The following BRAP variants were observed in gnomAD, a reference collection of about 807,000 sequenced individuals.
The protein encoded by BRAP is BRCA1-associated protein.
A neutral mutation model predicts 73.4 loss-of-function variants in BRAP; 42 were observed. The observed-to-expected ratio is 0.57, with a 90% confidence interval of 0.45 to 0.74. The LOEUF is 0.74. Ranked by LOEUF, BRAP falls within the 30% of genes least tolerant of loss-of-function variation. The pLI, the probability that BRAP is intolerant of heterozygous loss-of-function variation, is 0.00. For synonymous variants in BRAP, 255 were observed against 267.4 expected (o/e 0.95, Z 0.45); for missense variants, 593 against 751.4 (o/e 0.79, Z 2.46).
chr12:111,662,279 G>A (rs868719343), intron 6 of BRAP, among the ~76,000 whole-genome samples: 15 of 152,126 alleles, frequency 9.9e-5, no homozygotes, highest in Admixed American at 5.2e-4. Context: ...GGCTAGGCGC[G>A]GTGGCTCACA....
chr12:111,655,654 T>C lies in BRAP; in HGVS notation c.1223A>G (p.Tyr408Cys). Residue 408 changes from tyrosine (Y) to cysteine (C), a missense_variant and splice_region_variant, in exon 10 of 12, where the codon TAT (tyrosine) becomes TGT (cysteine). Tyr to Cys is a radical substitution (Grantham distance 194). This residue lies in a region of BRAP where 143 missense variants were observed against 190.4 expected (regional missense o/e 0.75). Coordinates refer to ENST00000419234, the MANE Select transcript of BRAP (RefSeq NM_006768.5). ...CAGCTGGCTTGTTAGTAAATATGAA[T>C]ACTAGAAACATAGAGAATAAAGACC... ...EEKIDALQLE[Y>C]SYLLTSQLES... 1.9e-6 allele frequency: 3 copies of C among 1,604,870 alleles called. No individual in the cohort carries two copies. Among genetic ancestry groups the C allele is most frequent in the Non-Finnish European group, 1.7e-6 (2 of 1,171,652 alleles).
At position 111,665,052 on chromosome 12, in the gene BRAP, A is replaced by G. The variant is rs1263294327; in HGVS notation, c.896+587T>C. Among the ~76,000 whole-genome samples the G allele has an allele frequency of 6.6e-6, 1 of 152,198 alleles. No individual in the cohort carries two copies. The highest frequency in any genetic ancestry group is 1.9e-4 in the East Asian group (1 of 5,202). On this transcript the variant is annotated intron_variant, in intron 6 of 11. Coordinates refer to ENST00000419234, the MANE Select transcript of BRAP (RefSeq NM_006768.5). This position sits in a 1 kb window ranked among gnomAD's most constrained non-coding sequence, Gnocchi z 4.3. ...CCTTTCTGGTTAAGTCCCACAGTGC[A>G]GTCTGCAAAGGGAGCAACCATCCTG...
intron 4 of BRAP, 153 bp from the exon 5 acceptor site, chr12:111,672,927 G>A: frequency 1.7e-6 from 1 of 598,184 alleles, no homozygotes; most frequent in Non-Finnish European, 2.9e-6. Flanking sequence ...ATCTACTGAA[G>A]CTGATTGGTA....
chr12:111,659,914 C>T (rs1815620157), intron 7 of BRAP, among the ~76,000 whole-genome samples: 1 of 150,582 alleles, frequency 6.6e-6, no homozygotes, highest in African/African-American at 2.5e-5. Flanking sequence ...AAAAACAAAA[C>T]AAAACAAAAC....
intron 2 of BRAP, 33 bp from the exon 3 acceptor site, chr12:111,681,868 T>C (rs1163796477): frequency 1.3e-6 from 2 of 1,566,498 alleles, no homozygotes; most frequent in Admixed American, 1.9e-5. Context: ...AGATTATAAA[T>C]GGATAGGACA....
intron 10 of BRAP, among the ~76,000 whole-genome samples, chr12:111,654,997 G>C (rs771751103): frequency 6.6e-6 from 1 of 152,188 alleles, no homozygotes; most frequent in East Asian, 1.9e-4. Context: ...ACTGGAGACA[G>C]AGCTCTGGGC....
Position 111,643,857 on chromosome 12 carries a change from C to T in BRAP, c.*342G>A, listed in dbSNP as rs575899814. ...ACAAGAAATAACTTAACATCTTAAACCTACCCCAGAACTGAATGTCAAATA... is the reference window on the plus strand; with the variant it reads ...ACAAGAAATAACTTAACATCTTAAATCTACCCCAGAACTGAATGTCAAATA... On this transcript the variant is annotated 3_prime_UTR_variant, in exon 12 of 12. Coordinates refer to ENST00000419234, the MANE Select transcript of BRAP (RefSeq NM_006768.5). 44 of 243,904 alleles carry T rather than the reference C, an allele frequency of 1.8e-4. No homozygotes were observed. Among genetic ancestry groups the T allele is most frequent in the Admixed American group, 1.7e-3 (33 of 19,950 alleles). 15.1% of individuals were successfully genotyped at this position (243,904 alleles called of 1,614,324 possible). A position where few individuals can be genotyped will look rare whatever the true frequency, so the allele number is the denominator to read the frequency against.
intron 6 of BRAP, among the ~76,000 whole-genome samples, chr12:111,662,280 G>A (rs1450577726): frequency 2.6e-5 from 4 of 152,214 alleles, no homozygotes; most frequent in African/African-American, 9.6e-5. Flanking sequence ...GCTAGGCGCG[G>A]TGGCTCACAC....
chr12:111,675,407 A>G (rs1887343218), intron 4 of BRAP, among the ~76,000 whole-genome samples: 1 of 151,282 alleles, frequency 6.6e-6, no homozygotes, highest in Non-Finnish European at 1.5e-5. Context: ...AACAGCTGAG[A>G]TTTCCCAATT....
intron 10 of BRAP, among the ~76,000 whole-genome samples, chr12:111,651,657 A>C (rs920407706): frequency 2.8e-5 from 3 of 107,830 alleles, no homozygotes; most frequent in African/African-American, 1.2e-4. Context: ...TTTTTTTTTG[A>C]GACAGAGTCT....
intron 5 of BRAP, among the ~76,000 whole-genome samples, chr12:111,666,918 C>A (rs938273730): frequency 6.6e-6 from 1 of 152,144 alleles, no homozygotes; most frequent in East Asian, 1.9e-4. Context: ...AATTTTATCA[C>A]GTCAATTTTT....
chr12:111,648,219 A>C lies in BRAP; in HGVS notation c.1415+1720T>G, dbSNP rs889366631. ...AGGCTGAGGCAGGAGAATCACTTGA[A>C]TCCGGGAGGCGGAGGTTGCAGTGAA... On this transcript the variant is annotated intron_variant, in intron 11 of 11. Transcript: ENST00000419234. Among the ~76,000 whole-genome samples the C allele has an allele frequency of 8.7e-5, 13 of 149,984 alleles. No homozygotes were observed. In the South Asian group the frequency reaches 1.9e-3, roughly 22 times the overall value.
At chr12:111,671,681 CTTTTTTTTT>C (rs980479092) in intron 5 of BRAP, among the ~76,000 whole-genome samples, 9 of 113,116 alleles carry the variant, frequency 8.0e-5, no homozygotes, top group Non-Finnish European at 1.5e-4. Flanking sequence ...AACAGAGAGA[CTTTTTTTTT>C]TTTTTTTTTT....
rs565349424 is a variant in BRAP, at chr12:111,667,698, C to CAAA, written c.748-1914_748-1912dup. ...TGGGAGACAGAGTGAAACTCCGTCT[C>CAAA]AAAAAAAAAAAAAAAAAAAAAAAGC... On this transcript the variant is annotated intron_variant, in intron 5 of 11. Coordinates refer to ENST00000419234, the MANE Select transcript of BRAP (RefSeq NM_006768.5). 2.4e-3 allele frequency among the ~76,000 whole-genome samples: 50 copies of CAAA among 21,236 alleles called. 2 individuals are homozygous for CAAA. Among genetic ancestry groups the CAAA allele is most frequent in the South Asian group, 6.8e-3 (2 of 296 alleles). 13.9% of individuals were successfully genotyped at this position (21,236 alleles called of 152,430 possible).
intron 4 of BRAP, among the ~76,000 whole-genome samples, chr12:111,674,108 G>C (rs558406980): frequency 4.6e-5 from 7 of 152,070 alleles, no homozygotes; most frequent in Non-Finnish European, 8.8e-5. Flanking sequence ...AGAGATTCAG[G>C]GCTGCACCAG....
In BRAP at chr12:111,642,363, C is replaced by T. The variant is rs917086970; in HGVS notation, c.*1836G>A. 2 of 151,526 alleles carry T rather than the reference C, an allele frequency of 1.3e-5. No individual in the cohort carries two copies. Among genetic ancestry groups the T allele is most frequent in the African/African-American group, 2.4e-5 (1 of 41,202 alleles). 9.4% of individuals were successfully genotyped at this position (151,526 alleles called of 1,614,324 possible). A position where few individuals can be genotyped will look rare whatever the true frequency, so the allele number is the denominator to read the frequency against. On this transcript the variant is annotated 3_prime_UTR_variant, in exon 12 of 12. Coordinates refer to ENST00000419234, the MANE Select transcript of BRAP (RefSeq NM_006768.5). ...CTGGGACATATTTTTTGTAAACCTC[C>T]AAGTAGTTTGGAAACACTTGCCTAT...
At chr12:111,645,358 C>T (rs11065991) in intron 11 of BRAP, among the ~76,000 whole-genome samples, 43,687 of 152,096 alleles carry the variant, frequency 0.29, 8,681 homozygotes, top group Non-Finnish European at 0.43. Context: ...TGAGCCACCG[C>T]GTCCAGCCCA....
At chr12:111,655,200 T>C (rs932667743) in intron 10 of BRAP, among the ~76,000 whole-genome samples, 2 of 152,168 alleles carry the variant, frequency 1.3e-5, no homozygotes, top group Non-Finnish European at 1.5e-5. Flanking sequence ...CGCCATTTCA[T>C]TGCCTTAGAA....
intron 3 of BRAP, among the ~76,000 whole-genome samples, chr12:111,680,980 T>TA (rs139563380): frequency 0.015 from 2,327 of 152,350 alleles, 69 homozygotes; most frequent in African/African-American, 0.053. Flanking sequence ...GCCTCTTCAG[T>TA]AAAGATTTGG....
Sources: gnomAD v4.1 joint callset for allele counts (sites outside exome capture counted in the v4.1 genomes callset) on GRCh38, gnomAD v4.1.1 for gene constraint, gnomAD v4.1.1 regional missense constraint, Gnocchi (gnomAD v3.1) non-coding constraint, MANE v1.5 for transcripts, NCBI Gene and HGNC (gene_info 2026-07-23, HGNC 2026-07-21) for gene names.